Variants in AKAP6 observed in about 807,000 individuals in gnomAD.
AKAP6 encodes the protein A-kinase anchoring protein 6, also known as A-kinase anchor protein 6.
A neutral mutation model predicts 188.5 loss-of-function variants in AKAP6; 58 were observed. The ratio of observed to expected loss-of-function variants is 0.31; its 90% CI spans 0.25 to 0.38. The LOEUF is 0.38. Among genes scored for constraint, AKAP6 ranks in the 10% least tolerant of loss-of-function variants. The pLI, the probability that AKAP6 is intolerant of heterozygous loss-of-function variation, is 1.00. For missense variants in AKAP6, 2,710 were observed against 2,740.0 expected, an observed-to-expected ratio of 0.99 and a Z score of 0.24; for synonymous variants, 989 against 998.6, an observed-to-expected ratio of 0.99 and a Z score of 0.18.
chr14:32,540,386 A>G (rs552954571), intron 3 of AKAP6, among the ~76,000 whole-genome samples: 1 of 151,588 alleles, frequency 6.6e-6, no homozygotes, highest in Admixed American at 6.6e-5. Context: ...TTTAGTAGAG[A>G]TGGACTTTTG....
intron 7 of AKAP6, among the ~76,000 whole-genome samples, chr14:32,642,979 A>G (rs745804936): frequency 6.6e-6 from 1 of 152,136 alleles, no homozygotes; most frequent in Non-Finnish European, 1.5e-5. Context: ...GAATGTTTTC[A>G]TTACAATAAA....
chr14:32,504,259 C>T (rs894887436), intron 2 of AKAP6, among the ~76,000 whole-genome samples: 2 of 151,916 alleles, frequency 1.3e-5, no homozygotes, highest in Non-Finnish European at 2.9e-5. Flanking sequence ...TATTGATTTT[C>T]AGGTATTAAT....
chr14:32,456,364 T>C (rs1272833620), intron 2 of AKAP6, among the ~76,000 whole-genome samples: 2 of 152,158 alleles, frequency 1.3e-5, no homozygotes, highest in African/African-American at 2.4e-5. Flanking sequence ...CACAGAAATA[T>C]AGTTTAATTT....
chr14:32,463,693 G>C (rs1040562556), intron 2 of AKAP6, among the ~76,000 whole-genome samples: 1 of 152,066 alleles, frequency 6.6e-6, no homozygotes, highest in African/African-American at 2.4e-5. Flanking sequence ...AAAAGAACTA[G>C]AGAAGCAAGA....
chr14:32,433,125 T>G (rs1191219926), intron 1 of AKAP6: 2 of 210,526 alleles, frequency 9.5e-6, no homozygotes, highest in Non-Finnish European at 1.9e-5. Context: ...CACACCTAGC[T>G]GCAAGGGAGA....
intron 9 of AKAP6, among the ~76,000 whole-genome samples, chr14:32,730,941 A>G (rs2031144519): frequency 1.3e-5 from 2 of 152,136 alleles, no homozygotes; most frequent in Non-Finnish European, 2.9e-5. Flanking sequence ...GGTCCTGGTA[A>G]TTGCCTTCCA....
At chr14:32,748,841 C>T (rs750990196) in intron 11 of AKAP6, among the ~76,000 whole-genome samples, 4 of 152,100 alleles carry the variant, frequency 2.6e-5, no homozygotes, top group African/African-American at 4.8e-5. Context: ...CCATTTACTT[C>T]GAGTCCATTT....
chr14:32,561,021 G>A (rs140134931), intron 4 of AKAP6, among the ~76,000 whole-genome samples: 5 of 152,146 alleles, frequency 3.3e-5, no homozygotes, highest in Non-Finnish European at 4.4e-5. Flanking sequence ...AGAGACAGAA[G>A]TTAGTAATTT....
chr14:32,584,430 A>C (rs1367885263), intron 5 of AKAP6, among the ~76,000 whole-genome samples: 1 of 152,298 alleles, frequency 6.6e-6, no homozygotes, highest in East Asian at 1.9e-4. Context: ...GGAGCTTTGC[A>C]TTTATATTTT....
At chr14:32,755,781 T>C (rs1178164154) in intron 11 of AKAP6, among the ~76,000 whole-genome samples, 1 of 152,194 alleles carries the variant, frequency 6.6e-6, no homozygotes, top group African/African-American at 2.4e-5. Flanking sequence ...CCCAAAGTGC[T>C]GGGATTACAG....
intron 1 of AKAP6, among the ~76,000 whole-genome samples, chr14:32,371,700 G>A (rs1043200034): frequency 1.3e-5 from 2 of 152,174 alleles, no homozygotes; most frequent in Admixed American, 6.6e-5. Context: ...TTCATGAAAA[G>A]GTGGGATTAA....
chr14:32,558,459 G>A (rs999240597), intron 4 of AKAP6, among the ~76,000 whole-genome samples: 2 of 152,148 alleles, frequency 1.3e-5, no homozygotes, highest in East Asian at 1.9e-4. Context: ...CATCACAGGA[G>A]AGGGAATACT....
intron 3 of AKAP6, among the ~76,000 whole-genome samples, chr14:32,538,318 G>A (rs1291963461): frequency 6.6e-6 from 1 of 151,846 alleles, no homozygotes; most frequent in South Asian, 2.1e-4. Flanking sequence ...AATGATGAGG[G>A]AAATGGCAAA....
At chr14:32,740,019 C>T (rs1219086971) in intron 11 of AKAP6, among the ~76,000 whole-genome samples, 1 of 152,118 alleles carries the variant, frequency 6.6e-6, no homozygotes, top group Non-Finnish European at 1.5e-5. Flanking sequence ...CTTTTCTCCA[C>T]ATCCTCGCCA....
At chr14:32,535,906 T>C in intron 3 of AKAP6, 101 bp downstream of exon 3, 3 of 1,493,112 alleles carry the variant, frequency 2.0e-6, no homozygotes, top group Non-Finnish European at 2.7e-6. Context: ...TGTAGGTAAA[T>C]AAGCAGGCCC....
chr14:32,714,238 A>G (rs1389607039), intron 9 of AKAP6, among the ~76,000 whole-genome samples: 1 of 152,038 alleles, frequency 6.6e-6, no homozygotes, highest in East Asian at 1.9e-4. Flanking sequence ...CTGGTCACAG[A>G]TCATCATAAC....
At chr14:32,481,377 A>G (rs1264732203) in intron 2 of AKAP6, among the ~76,000 whole-genome samples, 2 of 152,122 alleles carry the variant, frequency 1.3e-5, no homozygotes, top group Non-Finnish European at 2.9e-5. Flanking sequence ...GTATTCCTGT[A>G]TTAGTTTGGT....
chr14:32,600,860 G>A, intron 7 of AKAP6, 68 bp downstream of exon 7: 1 of 1,454,514 alleles, frequency 6.9e-7, no homozygotes. Flanking sequence ...CACCACTGAA[G>A]TTTTCTTTCC....
At chr14:32,352,100 TGTTTGTGTGTG>T (rs1887299102) in intron 1 of AKAP6, among the ~76,000 whole-genome samples, 5 of 116,716 alleles carry the variant, frequency 4.3e-5, no homozygotes, top group African/African-American at 7.4e-5. Context: ...TGTGTGTGTG[TGTTTGTGTGTG>T]TGTGTGTGTG....
Sources: gnomAD v4.1 joint callset for allele counts (sites outside exome capture counted in the v4.1 genomes callset) on GRCh38, gnomAD v4.1.1 for gene constraint, MANE v1.5 for transcripts, NCBI Gene and HGNC (gene_info 2026-07-23, HGNC 2026-07-21) for gene names.